The following PAWR variants were observed in gnomAD, a reference collection of about 807,000 sequenced individuals.
The protein encoded by PAWR is pro-apoptotic WT1 regulator.
PAWR carries 23 observed loss-of-function variants against 32.0 expected under a neutral mutation model. The observed-to-expected ratio is 0.72, with a 90% CI of 0.52 to 1.02. The LOEUF is 1.02. Among genes scored for constraint, PAWR ranks in the 50% least tolerant of loss-of-function variants. PAWR has a pLI of 0.00. For missense variants in PAWR, 457 were observed against 437.7 expected (o/e 1.04, Z -0.39); for synonymous variants, 226 against 187.1 (o/e 1.21, Z -1.70).
intron 2 of PAWR, among the ~76,000 whole-genome samples, chr12:79,638,704 T>C (rs907274266): frequency 6.6e-6 from 1 of 150,456 alleles, no homozygotes; most frequent in Non-Finnish European, 1.5e-5. Context: ...GAGTACAGCA[T>C]TCCCTCAGCC....
intron 2 of PAWR, among the ~76,000 whole-genome samples, chr12:79,682,951 CA>C (rs1878513812): frequency 6.6e-6 from 1 of 152,144 alleles, no homozygotes; most frequent in Admixed American, 6.6e-5. Context: ...TGCTAATTAT[CA>C]AATACATTTA....
At chr12:79,682,730 A>G (rs999100291) in intron 2 of PAWR, among the ~76,000 whole-genome samples, 7 of 152,226 alleles carry the variant, frequency 4.6e-5, no homozygotes, top group Admixed American at 3.3e-4. Flanking sequence ...GCTGAGGCTC[A>G]ATTCTATACA....
At chr12:79,690,508 C>T (rs1241113405) in intron 1 of PAWR, 117 bp from the exon 2 acceptor site, 3 of 459,316 alleles carry the variant, frequency 6.5e-6, no homozygotes, top group Non-Finnish European at 1.0e-5. Context: ...CAGTCACTAC[C>T]GGCCAGCAGC....
chr12:79,638,384 T>C (rs1230996178), intron 2 of PAWR, among the ~76,000 whole-genome samples: 2 of 152,174 alleles, frequency 1.3e-5, no homozygotes, highest in Admixed American at 6.5e-5. Flanking sequence ...ACAAGAATGG[T>C]AATCTTTGTC....
chr12:79,609,979 A>G (rs1237701909), intron 4 of PAWR, among the ~76,000 whole-genome samples: 1 of 152,196 alleles, frequency 6.6e-6, no homozygotes, highest in East Asian at 1.9e-4. Context: ...CATTCCTGCC[A>G]GGGTCCAAAA....
intron 2 of PAWR, among the ~76,000 whole-genome samples, chr12:79,642,234 A>C (rs1293820019): frequency 6.6e-6 from 1 of 152,238 alleles, no homozygotes; most frequent in Non-Finnish European, 1.5e-5. Context: ...GAAAGCTATT[A>C]TACTTTCTGG....
intron 2 of PAWR, among the ~76,000 whole-genome samples, chr12:79,685,804 T>C (rs1565707642): frequency 6.6e-6 from 1 of 152,186 alleles, no homozygotes; most frequent in Non-Finnish European, 1.5e-5. Context: ...TAATAAAAAG[T>C]TATGTAAAAA....
At chr12:79,682,056 T>A (rs901511448) in intron 2 of PAWR, among the ~76,000 whole-genome samples, 2 of 152,232 alleles carry the variant, frequency 1.3e-5, no homozygotes, top group Non-Finnish European at 2.9e-5. Context: ...CTGAAAGATG[T>A]CTTTTTAAGT....
chr12:79,634,183 T>A (rs752924931), intron 2 of PAWR, among the ~76,000 whole-genome samples: 1 of 152,198 alleles, frequency 6.6e-6, no homozygotes, highest in Non-Finnish European at 1.5e-5. Context: ...CTCTGGAGAA[T>A]AGAATATTAT....
At chr12:79,604,584 C>A in intron 4 of PAWR, 1 of 1,276,310 alleles carries the variant, frequency 7.8e-7, no homozygotes, top group Non-Finnish European at 1.0e-6. Context: ...AGGATATATT[C>A]TGAAATTCCC....
chr12:79,626,506 C>G (rs936932187), intron 2 of PAWR, among the ~76,000 whole-genome samples: 6 of 151,622 alleles, frequency 4.0e-5, no homozygotes, highest in African/African-American at 4.8e-5. Context: ...TGATCCACCC[C>G]CCACGGCCTC....
At chr12:79,645,448 T>C in intron 2 of PAWR, among the ~76,000 whole-genome samples, 1 of 152,138 alleles carries the variant, frequency 6.6e-6, no homozygotes, top group East Asian at 1.9e-4. Context: ...TGGTGAAATA[T>C]TAACTGACTA....
chr12:79,657,789 G>A (rs1324772738), intron 2 of PAWR, among the ~76,000 whole-genome samples: 3 of 149,982 alleles, frequency 2.0e-5, no homozygotes, highest in African/African-American at 7.4e-5. Flanking sequence ...GCGAGACTCC[G>A]TCTCAAAAAA....
intron 2 of PAWR, among the ~76,000 whole-genome samples, chr12:79,679,631 G>A (rs749684493): frequency 6.6e-6 from 1 of 152,158 alleles, no homozygotes; most frequent in South Asian, 2.1e-4. Flanking sequence ...TCCCTGATAC[G>A]GCAGTAGTAT....
Position 79,650,217 on chromosome 12 carries a change from C to T in PAWR, c.517-29010G>A, listed in dbSNP as rs532443586. On this transcript the variant is annotated intron_variant, in intron 2 of 6. Transcript: ENST00000328827. ...GGTTAGATCTATAATGTATTGGCTA[C>T]TTCACAATTAAAGTATATTTAAAGC... 2.6e-4 allele frequency among the ~76,000 whole-genome samples: 39 copies of T among 152,314 alleles called. No homozygotes were observed. In the South Asian group the frequency reaches 7.9e-3, roughly 31 times the overall value.
intron 4 of PAWR, chr12:79,604,528 A>G: frequency 8.5e-7 from 1 of 1,169,934 alleles, no homozygotes; most frequent in Non-Finnish European, 1.1e-6. Context: ...ACAAGACTCA[A>G]GGGTAAATCC....
Position 79,690,134 on chromosome 12 carries a change from CG to C in PAWR, c.110del (p.Pro37ArgfsTer53). ...TGCCCCCTCCCGGGGGGGCCGGGCC[CG>C]GGGGGTTCTGCTTGGCGCGCATCTT... Reference protein sequence around the residue: ...REKMRAKQNPPGPAPPGGGSS... With the variant: ...REKMRAKQNPXGPAPPGGGSS... On this transcript the variant is annotated frameshift_variant, in exon 2 of 7. Coordinates refer to ENST00000328827, the MANE Select transcript of PAWR (RefSeq NM_002583.4). LOFTEE classifies it high-confidence loss of function. The C allele has an allele frequency of 4.0e-6, 6 of 1,515,928 alleles. No homozygotes were observed. Among genetic ancestry groups the C allele is most frequent in the Non-Finnish European group, 2.6e-6 (3 of 1,135,104 alleles). 93.9% of individuals were successfully genotyped at this position (1,515,928 alleles called of 1,614,324 possible). A position where few individuals can be genotyped will look rare whatever the true frequency, so the allele number is the denominator to read the frequency against.
At chr12:79,662,254 T>C (rs558499969) in intron 2 of PAWR, among the ~76,000 whole-genome samples, 2 of 151,342 alleles carry the variant, frequency 1.3e-5, no homozygotes, top group Admixed American at 1.3e-4. Flanking sequence ...TCCAGAACTT[T>C]CAGGACAGGA....
intron 4 of PAWR, among the ~76,000 whole-genome samples, chr12:79,610,211 C>T (rs1874371625): frequency 6.6e-6 from 1 of 152,192 alleles, no homozygotes; most frequent in Non-Finnish European, 1.5e-5. Flanking sequence ...TAGATGTTTG[C>T]CAGGAATGCC....
Sources: gnomAD v4.1 joint callset for allele counts (sites outside exome capture counted in the v4.1 genomes callset) on GRCh38, gnomAD v4.1.1 for gene constraint, MANE v1.5 for transcripts, NCBI Gene and HGNC (gene_info 2026-07-23, HGNC 2026-07-21) for gene names.